Variants in ARID4B observed in about 807,000 individuals in gnomAD.
ARID4B encodes the protein AT-rich interactive domain-containing protein 4B.
A neutral mutation model predicts 147.5 loss-of-function variants in ARID4B; 26 were observed. The ratio of observed to expected loss-of-function variants is 0.18; its 90% CI spans 0.13 to 0.24. The LOEUF (loss-of-function observed/expected upper bound fraction) is 0.24. ARID4B is among the 10% of genes least tolerant of loss of function. The pLI is 1.00. For synonymous variants in ARID4B, 512 were observed against 507.9 expected, an observed-to-expected ratio of 1.01 and a Z score of -0.11; for missense variants, 1,179 against 1,511.5, an observed-to-expected ratio of 0.78 and a Z score of 3.65.
intron 2 of ARID4B, among the ~76,000 whole-genome samples, chr1:235,292,655 G>A (rs1672414505): frequency 6.6e-6 from 1 of 151,470 alleles, no homozygotes; most frequent in Non-Finnish European, 1.5e-5. Flanking sequence ...CATCTACAGT[G>A]ATAGGAAAAG....
At position 235,294,542 on chromosome 1, in the gene ARID4B, T is replaced by C. The variant is rs1345653162; in HGVS notation, c.6+32372A>G. Among the ~76,000 whole-genome samples the C allele has an allele frequency of 8.8e-4, 12 of 13,616 alleles. 1 individual carries two copies. The highest frequency in any genetic ancestry group is 2.7e-3 in the Admixed American group (3 of 1,130). 8.9% of individuals were successfully genotyped at this position (13,616 alleles called of 152,430 possible). ...CGCTTGAACCCAGGGGTTCAAGCAATTCTCCCGCTTGAACCCAGGGGTTCA... is the reference window on the plus strand; with the variant it reads ...CGCTTGAACCCAGGGGTTCAAGCAACTCTCCCGCTTGAACCCAGGGGTTCA... On this transcript the variant is annotated intron_variant, in intron 2 of 23. Transcript: ENST00000264183.
intron 21 of ARID4B, among the ~76,000 whole-genome samples, chr1:235,176,365 C>T (rs186260358): frequency 4.4e-4 from 62 of 142,112 alleles, no homozygotes; most frequent in African/African-American, 1.5e-3. Flanking sequence ...AAATATCCTA[C>T]CAGTTACACC....
rs565110601 is a variant in ARID4B, at chr1:235,327,836, C to T, written c.-117G>A. 6.6e-6 allele frequency: 1 copy of T among 152,594 alleles called. No individual in the cohort carries two copies. Among genetic ancestry groups the T allele is most frequent in the Non-Finnish European group, 1.5e-5 (1 of 68,326 alleles). 9.5% of individuals were successfully genotyped at this position (152,594 alleles called of 1,614,324 possible). On this transcript the variant is annotated 5_prime_UTR_variant, in exon 1 of 24. Transcript: ENST00000264183. Reference sequence around the variant, plus strand: ...CCTCTCTCCTTCTCCCCCCCAAAACCAGCAGGCCCGGGGGAGAGATGGGGA... The same window carrying T: ...CCTCTCTCCTTCTCCCCCCCAAAACTAGCAGGCCCGGGGGAGAGATGGGGA...
chr1:235,261,777 A>G (rs971299653), intron 2 of ARID4B, among the ~76,000 whole-genome samples: 2 of 152,182 alleles, frequency 1.3e-5, no homozygotes, highest in Non-Finnish European at 2.9e-5. Context: ...GTACATTTCT[A>G]CATTTTTATT....
intron 15 of ARID4B, 25 bp from the exon 16 acceptor site, chr1:235,219,993 A>C (rs548198483): frequency 9.9e-5 from 145 of 1,464,674 alleles, no homozygotes; most frequent in Non-Finnish European, 1.1e-4. Flanking sequence ...GAGGAAAGAA[A>C]CCAACAAAAG....
rs1260332140 is a variant in ARID4B, at chr1:235,182,440, A to G, written c.2479T>C (p.Tyr827His). The G allele has an allele frequency of 6.2e-7, 1 of 1,611,508 alleles. No homozygotes were observed. Among genetic ancestry groups the G allele is most frequent in the African/African-American group, 1.3e-5 (1 of 74,590 alleles). The change falls in exon 20 of 24, where the codon TAT (tyrosine) becomes CAT (histidine). Residue 827 changes from tyrosine (Y) to histidine (H), a missense_variant. By Grantham distance (83) the Tyr-to-His change is moderately conservative. This residue lies in a region of ARID4B where 321 missense variants were observed against 342.4 expected (regional missense o/e 0.94). Transcript: ENST00000264183. The stretch of plus-strand genomic sequence containing the variant: ...TTTAGACACTCTTCTGTATTGCAAT[A>G]CCTTCTTTTACCACGTTTTATTTGT... ...KPQIKRGKRR[Y>H]CNTEECLKTG...
chr1:235,196,681 A>G (rs1275721539), intron 17 of ARID4B, among the ~76,000 whole-genome samples: 1 of 151,890 alleles, frequency 6.6e-6, no homozygotes, highest in East Asian at 1.9e-4. Flanking sequence ...GTGAAACCCC[A>G]TCTCTACTAA....
At chr1:235,249,776 CT>C (rs1187972617) in intron 6 of ARID4B, among the ~76,000 whole-genome samples, 1 of 150,520 alleles carries the variant, frequency 6.6e-6, no homozygotes, top group Admixed American at 6.6e-5. Flanking sequence ...CCCGTCTCTA[CT>C]AAAAATACAA....
chr1:235,232,556 C>T, intron 9 of ARID4B, among the ~76,000 whole-genome samples: 1 of 125,358 alleles, frequency 8.0e-6, no homozygotes, highest in East Asian at 2.1e-4. Flanking sequence ...GCCTGGGCAA[C>T]ATGGCAAAAA....
In ARID4B at chr1:235,220,471, A is replaced by C. The variant is rs748878280; in HGVS notation, c.1238T>G (p.Val413Gly). 1.9e-6 allele frequency: 3 copies of C among 1,612,894 alleles called. No homozygotes were observed. In the South Asian group the frequency reaches 3.3e-5, roughly 18 times the overall value. ...TTCACACTCCTTACATTGCTTGTTA[A>C]CAACTTTCTCTGGCAATGCCATCTG... is the stretch of plus-strand genomic sequence containing the variant. ...EFQMALPEKV[V>G]NKQCKECENV... The change falls in exon 15 of 24, where the codon GTT becomes GGT. Residue 413 changes from valine to glycine, a missense_variant. By Grantham distance (109) the Val-to-Gly change is moderately radical. Around this residue, in one of 10 missense-constraint regions of ARID4B, gnomAD observed 204 missense variants for 210.9 expected, o/e 0.97. Coordinates refer to ENST00000264183, the MANE Select transcript of ARID4B (RefSeq NM_016374.6).
chr1:235,250,403 G>A (rs1305705819), intron 6 of ARID4B, among the ~76,000 whole-genome samples: 3 of 152,148 alleles, frequency 2.0e-5, no homozygotes, highest in Non-Finnish European at 4.4e-5. Flanking sequence ...CATACAGATG[G>A]TAGATTAAAT....
At chr1:235,207,008 A>T (rs952872269) in intron 17 of ARID4B, among the ~76,000 whole-genome samples, 1 of 152,256 alleles carries the variant, frequency 6.6e-6, no homozygotes, top group African/African-American at 2.4e-5. Context: ...CATGTCTTTG[A>T]TCAGTCAAGA....
At chr1:235,283,649 A>C (rs1308091440) in intron 2 of ARID4B, among the ~76,000 whole-genome samples, 2 of 152,180 alleles carry the variant, frequency 1.3e-5, no homozygotes, top group Non-Finnish European at 2.9e-5. Flanking sequence ...CATTTACTTA[A>C]GACAGTCAAT....
At chr1:235,273,093 A>T (rs1272114749) in intron 2 of ARID4B, among the ~76,000 whole-genome samples, 1 of 152,194 alleles carries the variant, frequency 6.6e-6, no homozygotes, top group African/African-American at 2.4e-5. Flanking sequence ...GCTAGAGTGC[A>T]GTGGCGCAAT....
At chr1:235,277,771 T>C (rs949836331) in intron 2 of ARID4B, among the ~76,000 whole-genome samples, 4 of 152,112 alleles carry the variant, frequency 2.6e-5, no homozygotes, top group African/African-American at 9.7e-5. Context: ...GGAGATTCTA[T>C]TAGTTGCTGA....
intron 11 of ARID4B, among the ~76,000 whole-genome samples, chr1:235,225,061 T>C (rs1667735468): frequency 8.5e-6 from 1 of 117,190 alleles, no homozygotes; most frequent in Non-Finnish European, 1.9e-5. Flanking sequence ...TGGTTTTGTT[T>C]TGTTTTGTTT....
chr1:235,229,056 T>C (rs1668035456), intron 11 of ARID4B, 175 bp downstream of exon 11: 2 of 713,268 alleles, frequency 2.8e-6, no homozygotes, highest in Non-Finnish European at 4.4e-6. Context: ...CAAGATCATA[T>C]ATCTAAAGTA....
At chr1:235,313,107 G>A (rs975222297) in intron 2 of ARID4B, among the ~76,000 whole-genome samples, 5 of 152,208 alleles carry the variant, frequency 3.3e-5, no homozygotes, top group Middle Eastern at 3.4e-3. Context: ...GCAGTGGTGC[G>A]ATCTCAGCTT....
chr1:235,311,985 G>C (rs752518114), intron 2 of ARID4B, among the ~76,000 whole-genome samples: 4 of 151,998 alleles, frequency 2.6e-5, no homozygotes, highest in Non-Finnish European at 4.4e-5. Flanking sequence ...TACTGATATA[G>C]AAGAATGTAA....
Sources: allele counts gnomAD v4.1 joint callset (sites outside exome capture counted in the v4.1 genomes callset), GRCh38; gene constraint gnomAD v4.1.1; regional missense constraint gnomAD v4.1.1; transcripts MANE v1.5; gene names NCBI Gene and HGNC (gene_info 2026-07-23, HGNC 2026-07-21).